Variants in SPTBN5 observed in about 807,000 individuals in gnomAD.
SPTBN5 encodes the protein spectrin beta chain, non-erythrocytic 5.
SPTBN5 carries 513 observed loss-of-function variants against 477.6 expected under a neutral mutation model. The ratio of observed to expected loss-of-function variants is 1.07; its 90% confidence interval spans 1.00 to 1.16. The LOEUF (loss-of-function observed/expected upper bound fraction) is 1.16. Among genes scored for constraint, SPTBN5 ranks in the 50% most tolerant of loss-of-function variants. SPTBN5 has a pLI of 0.00. For synonymous variants in SPTBN5, 2,169 were observed against 2,011.7 expected, an observed-to-expected ratio of 1.08 and a Z score of -2.09; for missense variants, 5,062 against 4,731.8, an observed-to-expected ratio of 1.07 and a Z score of -2.05.
chr15:41,872,996 G>A (rs541029680), intron 26 of SPTBN5, among the ~76,000 whole-genome samples: 1 of 152,332 alleles, frequency 6.6e-6, no homozygotes, highest in East Asian at 1.9e-4. Context: ...TTTGAAGCTT[G>A]TGTGGTTCTG....
intron 66 of SPTBN5, chr15:41,850,400 T>A: frequency 4.4e-6 from 1 of 227,452 alleles, no homozygotes; most frequent in South Asian, 8.4e-5. Context: ...TCTCTATATA[T>A]TCCTCCAAGT....
At chr15:41,879,193 C>T (rs906965391) in intron 16 of SPTBN5, 67 bp downstream of exon 16, 2 of 1,542,268 alleles carry the variant, frequency 1.3e-6, no homozygotes, top group East Asian at 2.3e-5. Context: ...TTCCTCATTC[C>T]ACTGCCCTGC....
Position 41,864,012 on chromosome 15 carries a change from C to T in SPTBN5, c.6931G>A (p.Asp2311Asn). Reference protein sequence around the residue: ...RGNSAGDTVGDACIRSISDLS... With the variant: ...RGNSAGDTVGNACIRSISDLS... The stretch of plus-strand genomic sequence containing the variant: ...TCACTGATGCTCCTGATGCAGGCAT[C>T]ACCCACTGTGTCCTGCAGGGGAGGT... Residue 2311 changes from aspartate to asparagine, a missense_variant, in exon 40 of 68, where the codon GAT becomes AAT. Asp to Asn is a conservative substitution (Grantham distance 23). Transcript: ENST00000320955. 6.2e-7 allele frequency: 1 copy of T among 1,613,130 alleles called. No homozygotes were observed.
intron 47 of SPTBN5, 91 bp downstream of exon 47, chr15:41,860,495 A>C: frequency 7.8e-7 from 1 of 1,288,584 alleles, no homozygotes; most frequent in Non-Finnish European, 1.0e-6. Context: ...AGCCTGGGCC[A>C]AGTAGTGGAA....
chr15:41,883,554 G>C, intron 7 of SPTBN5, 68 bp from the exon 8 acceptor site: 2 of 1,565,980 alleles, frequency 1.3e-6, no homozygotes, highest in African/African-American at 1.3e-5. Context: ...AGGGTTCCTG[G>C]TCTGTGGTGG....
intron 3 of SPTBN5, among the ~76,000 whole-genome samples, chr15:41,890,577 A>T (rs75742515): frequency 6.6e-6 from 1 of 152,226 alleles, no homozygotes; most frequent in Non-Finnish European, 1.5e-5. Context: ...GACAATAGCA[A>T]CTGTCTGCCT....
In SPTBN5 at chr15:41,851,349, G is replaced by T. The variant is rs767865951; in HGVS notation, c.10677C>A (p.Asp3559Glu). 1.2e-5 allele frequency: 19 copies of T among 1,550,936 alleles called. No homozygotes were observed. In the Middle Eastern group the frequency reaches 1.3e-3, roughly 109 times the overall value. The change falls in exon 64 of 68, where the codon GAC becomes GAA. Residue 3559 changes from aspartate to glutamate, a missense_variant. Coordinates refer to ENST00000320955, the MANE Select transcript of SPTBN5 (RefSeq NM_016642.4). ...GGRQPSSSSW[D>E]SCRGNLQGSS... The stretch of plus-strand genomic sequence containing the variant: ...TGCCCTGCAAGTTCCCGCGGCAGCT[G>T]TCCCAGGAGCTCGAGCTAGGCTGTG...
In SPTBN5 at chr15:41,865,731, C is replaced by T. The variant is rs530563288; in HGVS notation, c.6918+77G>A. ...GGCGCCCACGCCCTGCTCTACAGCC[C>T]ACACTCTTTCCCTGCTCTCAGTTGG... On this transcript the variant is annotated intron_variant, in intron 39 of 67. Transcript: ENST00000320955. 19 of 1,349,064 alleles carry T rather than the reference C, an allele frequency of 1.4e-5. No homozygotes were observed. The South Asian group carries it at 2.4e-4, about 17-fold the overall frequency. The allele number at this position is 1,349,064 out of a possible 1,614,324, so 83.6% of individuals were successfully genotyped here.
At position 41,854,008 on chromosome 15, in the gene SPTBN5, G is replaced by A. The variant is rs1161486037; in HGVS notation, c.9774+42C>T. 3.3e-6 allele frequency: 5 copies of A among 1,526,150 alleles called. No individual in the cohort carries two copies. The South Asian group carries it at 4.8e-5, about 15-fold the overall frequency. The allele number at this position is 1,526,150 out of a possible 1,614,324, so 94.5% of individuals were successfully genotyped here. A position where few individuals can be genotyped will look rare whatever the true frequency, so the allele number is the denominator to read the frequency against. On this transcript the variant is annotated intron_variant, in intron 57 of 67. Transcript: ENST00000320955. ...TAGGTCCCCTCAGCCACCGCCTTCG[G>A]GCAGGGGCTCAGACAGGCAGGCTGC...
Position 41,854,703 on chromosome 15 carries a change from G to C in SPTBN5, c.9618+79C>G, listed in dbSNP as rs141440359. ...GGGTGTGTGTCTTGTTGGAACCAAA[G>C]CCTGTGGTAAGGAGGGCTTAGAGGG... On this transcript the variant is annotated intron_variant, in intron 56 of 67. Transcript: ENST00000320955. The C allele has an allele frequency of 1.1e-3, 1,410 of 1,280,296 alleles. 12 individuals are homozygous for C. The African/African-American group carries it at 0.014, about 13-fold the overall frequency. The allele number at this position is 1,280,296 out of a possible 1,614,324, so 79.3% of individuals were successfully genotyped here. A position where few individuals can be genotyped will look rare whatever the true frequency, so the allele number is the denominator to read the frequency against.
In SPTBN5 at chr15:41,869,854, C is replaced by T. The variant is rs200593929; in HGVS notation, c.5840G>A (p.Arg1947His). Residue 1947 changes from arginine to histidine, a missense_variant, in exon 32 of 68, where the codon CGC (arginine) becomes CAC (histidine). Transcript: ENST00000320955. ...AQLERARLLA[R>H]FRTAVRDYAS... ...AGGAGCCCTCACCGCCGTGCGGAAG[C>T]GGGCCAGGAGGCGTGCCCGCTCCAG... The T allele has an allele frequency of 3.8e-4, 594 of 1,558,702 alleles. 2 individuals are homozygous for T. The African/African-American group carries it at 5.7e-3, about 15-fold the overall frequency.
chr15:41,874,656 C>G (rs2066660739), intron 23 of SPTBN5, among the ~76,000 whole-genome samples, 178 bp from the exon 24 acceptor site: 1 of 152,236 alleles, frequency 6.6e-6, no homozygotes, highest in Non-Finnish European at 1.5e-5. Context: ...GCCTAGATGA[C>G]TCGCGTGACT....
At chr15:41,880,088 T>C (rs369177491) in intron 14 of SPTBN5, 72 bp downstream of exon 14, 1 of 1,501,792 alleles carries the variant, frequency 6.7e-7, no homozygotes, top group Non-Finnish European at 8.9e-7. Context: ...ATTGGAAAAC[T>C]GAGTCACAGC....
rs544135821 is a variant in SPTBN5 at position 41,888,986 on chromosome 15, C to T, written c.502-901G>A. Among the ~76,000 whole-genome samples, 17 of 152,296 alleles carry T rather than the reference C, an allele frequency of 1.1e-4. No homozygotes were observed. The South Asian group carries it at 1.7e-3, about 15-fold the overall frequency. ...AATGCTGGGATGGCTTGTGAGGGAT[C>T]GGGGCTAGCCTGAGCCCAAACATAT... On this transcript the variant is annotated intron_variant, in intron 4 of 67. Coordinates refer to ENST00000320955, the MANE Select transcript of SPTBN5 (RefSeq NM_016642.4).
At chr15:41,882,918 T>C in intron 9 of SPTBN5, 78 bp downstream of exon 9, 1 of 1,407,516 alleles carries the variant, frequency 7.1e-7, no homozygotes, top group South Asian at 1.3e-5. Context: ...AGGCCAACAG[T>C]ACTTTAACCT....
intron 61 of SPTBN5, 93 bp from the exon 62 acceptor site, chr15:41,852,409 C>T (rs1165649012): frequency 2.0e-5 from 30 of 1,464,694 alleles, no homozygotes; most frequent in Admixed American, 6.7e-5. Context: ...CCAGCCCTCC[C>T]GGTCAGAGGG....
chr15:41,848,913 C>G (rs1030212014), intron 67 of SPTBN5, among the ~76,000 whole-genome samples: 2 of 152,180 alleles, frequency 1.3e-5, no homozygotes, highest in African/African-American at 2.4e-5. Context: ...GTCCTGGTAG[C>G]CTCAGGAGCC....
chr15:41,852,961 C>T lies in SPTBN5; in HGVS notation c.10210G>A (p.Glu3404Lys). ...CGCAGGGCCCAAGCCTCCTCCAGCT[C>T]CTGCAGCCGCCCTTCCAGCTCCTGC... ...CLQELEGRLQ[E>K]LEEAWALRWQ... The change falls in exon 60 of 68, where the codon GAG becomes AAG. Residue 3404 changes from glutamate (E) to lysine (K), a missense_variant. Coordinates refer to ENST00000320955, the MANE Select transcript of SPTBN5 (RefSeq NM_016642.4). 2 of 1,566,338 alleles carry T rather than the reference C, an allele frequency of 1.3e-6. No homozygotes were observed. Among genetic ancestry groups the T allele is most frequent in the Non-Finnish European group, 1.7e-6 (2 of 1,156,104 alleles).
At position 41,893,069 on chromosome 15, in the gene SPTBN5, G is replaced by A. The variant is rs762806248; in HGVS notation, c.217-8C>T. 4 of 1,609,496 alleles carry A rather than the reference G, an allele frequency of 2.5e-6. No homozygotes were observed. The highest frequency in any genetic ancestry group is 2.2e-5 in the East Asian group (1 of 44,830). On this transcript the variant is annotated splice_polypyrimidine_tract_variant and splice_region_variant and intron_variant, in intron 2 of 67. Transcript: ENST00000320955. ...CCGGATCTTGATGCCCGCCTGGGGA[G>A]GGGACAGGGGTAAGTATGGGGTCAG...
Sources: allele counts gnomAD v4.1 joint callset (sites outside exome capture counted in the v4.1 genomes callset), GRCh38; gene constraint gnomAD v4.1.1; transcripts MANE v1.5; gene names NCBI Gene and HGNC (gene_info 2026-07-23, HGNC 2026-07-21).